TPM3: variants seen among roughly 807,000 people sequenced by gnomAD.
TPM3 encodes tropomyosin 3.
A neutral mutation model predicts 43.1 loss-of-function variants in TPM3; 16 were observed. The ratio of observed to expected loss-of-function variants is 0.37; its 90% CI spans 0.25 to 0.56. The LOEUF is 0.56. Among genes scored for constraint, TPM3 ranks in the 20% least tolerant of loss-of-function variants. The pLI is 0.77. For synonymous variants in TPM3, 101 were observed against 116.9 expected (o/e 0.86, Z 0.88); for missense variants, 176 against 337.2 (o/e 0.52, Z 3.74).
chr1:154,179,796 T>C (rs896339348), intron 2 of TPM3, among the ~76,000 whole-genome samples: 11 of 151,994 alleles, frequency 7.2e-5, no homozygotes, highest in South Asian at 2.1e-4. Context: ...GATCCACAGG[T>C]GGACCTCAGA....
At chr1:154,189,189 C>A (rs553852140) in intron 2 of TPM3, among the ~76,000 whole-genome samples, 1 of 122,860 alleles carries the variant, frequency 8.1e-6, no homozygotes, top group East Asian at 2.6e-4. Flanking sequence ...AAAGCCCAGG[C>A]GCAGTGGCTT....
intron 2 of TPM3, among the ~76,000 whole-genome samples, chr1:154,187,978 G>A (rs1460125392): frequency 6.6e-6 from 1 of 151,552 alleles, no homozygotes; most frequent in Admixed American, 6.6e-5. Context: ...CCAAAGCCCA[G>A]GGGTAACCTG....
rs548951753 is a variant in TPM3 at position 154,176,153 on chromosome 1, C to T, written c.339G>A (p.Lys113=). 6 of 1,614,146 alleles carry T rather than the reference C, an allele frequency of 3.7e-6. No individual in the cohort carries two copies. In the East Asian group the frequency reaches 1.3e-4, roughly 36 times the overall value. ...CAGCAGCTTTTTCAGCTTCTTCCAG[C>T]TTTTGCAGGGCAGTGGCCAGGCGCT... ...AQERLATALQ[K]LEEAEKAADE... The change falls in exon 3 of 10, where the codon AAG becomes AAA. Residue 113 remains lysine, a synonymous_variant. Transcript: ENST00000651641.
chr1:154,183,330 C>T lies in TPM3; in HGVS notation c.244-7082G>A, dbSNP rs573867555. The T allele has an allele frequency of 9.6e-5, 140 of 1,458,716 alleles. 1 individual carries two copies. In the South Asian group the frequency reaches 1.2e-3, roughly 12 times the overall value. 90.4% of individuals were successfully genotyped at this position (1,458,716 alleles called of 1,614,324 possible). A position where few individuals can be genotyped will look rare whatever the true frequency, so the allele number is the denominator to read the frequency against. ...GGAGAGCCGCGGCAGGGAGTGGATC[C>T]TCCCAGTCGCCCTGGAGTACGGCTC... On this transcript the variant is annotated intron_variant, in intron 2 of 9. Transcript: ENST00000651641.
chr1:154,178,118 C>T, intron 2 of TPM3: 1 of 985,392 alleles, frequency 1.0e-6, no homozygotes, highest in Non-Finnish European at 1.2e-6. Context: ...ACTTACCCCC[C>T]TCAGACGAAA....
At chr1:154,174,385 T>TAC (rs1558049110) in intron 3 of TPM3, among the ~76,000 whole-genome samples, 1 of 94,328 alleles carries the variant, frequency 1.1e-5, no homozygotes, top group Non-Finnish European at 2.0e-5. Context: ...TATATATATA[T>TAC]ATATATATAT....
chr1:154,161,547 C>T (rs554510361), downstream of TPM3, among the ~76,000 whole-genome samples: 9 of 150,924 alleles, frequency 6.0e-5, no homozygotes, highest in Non-Finnish European at 7.4e-5. Context: ...GCGATTCTCT[C>T]GCCTCAGCCT....
chr1:154,185,195 A>C (rs1443518684), intron 2 of TPM3, among the ~76,000 whole-genome samples: 1 of 151,310 alleles, frequency 6.6e-6, no homozygotes, highest in Non-Finnish European at 1.5e-5. Flanking sequence ...AACATGGCAA[A>C]ACCCCGTCTC....
chr1:154,167,287 A>G lies in TPM3; in HGVS notation c.*650T>C, dbSNP rs1661087111. On this transcript the variant is annotated 3_prime_UTR_variant, in exon 10 of 10. Coordinates refer to ENST00000651641, the MANE Select transcript of TPM3 (RefSeq NM_152263.4). The stretch of plus-strand genomic sequence containing the variant: ...GTATTTTTCTGTGACTGGAGTTGAC[A>G]TAATTAGTCAATCTTAGCAATAATG... The G allele has an allele frequency of 6.1e-6, 6 of 984,426 alleles. No homozygotes were observed. The highest frequency in any genetic ancestry group is 7.2e-6 in the Non-Finnish European group (6 of 829,012). The allele number at this position is 984,426 out of a possible 1,614,324, so 61.0% of individuals were successfully genotyped here.
downstream of TPM3, among the ~76,000 whole-genome samples, chr1:154,159,641 G>GTCAACAAATAGTGTGC (rs1298841204): frequency 6.6e-5 from 10 of 152,044 alleles, no homozygotes; most frequent in Admixed American, 6.6e-4. Context: ...CCTGTTAAGA[G>GTCAACAAATAGTGTGC]TCAACAAATA....
intron 2 of TPM3, among the ~76,000 whole-genome samples, chr1:154,180,759 T>A (rs1008911720): frequency 6.6e-6 from 1 of 151,274 alleles, no homozygotes; most frequent in Admixed American, 6.6e-5. Flanking sequence ...AATAAAAAAA[T>A]AAAATAATAA....
chr1:154,186,315 C>G (rs1663408756), intron 2 of TPM3, among the ~76,000 whole-genome samples: 1 of 151,456 alleles, frequency 6.6e-6, no homozygotes, highest in African/African-American at 2.5e-5. Flanking sequence ...CAGCAGAAGA[C>G]CTCATCCTAG....
At chr1:154,157,271 G>T, downstream of TPM3, 1 of 411,940 alleles carries the variant, frequency 2.4e-6, no homozygotes, top group Non-Finnish European at 4.6e-6. Context: ...GTGAGAAAGG[G>T]ATTCGATTGC....
At chr1:154,159,944 T>TA (rs1660176207), downstream of TPM3, among the ~76,000 whole-genome samples, 1 of 149,368 alleles carries the variant, frequency 6.7e-6, no homozygotes, top group African/African-American at 2.5e-5. Flanking sequence ...TGTATGTGAT[T>TA]AAAAAACAAA....
At chr1:154,174,164 C>G (rs1254174018) in intron 3 of TPM3, among the ~76,000 whole-genome samples, 1 of 150,640 alleles carries the variant, frequency 6.6e-6, no homozygotes, top group African/African-American at 2.4e-5. Context: ...AAAACCCTGT[C>G]TGTACTAGAA....
chr1:154,182,884 CGCCGGCCTTCAG>C (rs1663120214), intron 2 of TPM3: 5 of 1,572,338 alleles, frequency 3.2e-6, no homozygotes, highest in Middle Eastern at 4.6e-4. Context: ...TCTCCGAGCC[CGCCGGCCTTCAG>C]AGGACCGTGC....
At chr1:154,157,507 G>C (rs549410335), downstream of TPM3, 51 of 760,836 alleles carry the variant, frequency 6.7e-5, no homozygotes, top group Middle Eastern at 2.3e-4. Flanking sequence ...AGGGAAGGAG[G>C]GGGTGGTGAA....
In TPM3 at chr1:154,163,482, A is replaced by G. The variant is rs1031863436; in HGVS notation, c.*4455T>C. Among the ~76,000 whole-genome samples the G allele has an allele frequency of 2.6e-5, 4 of 152,182 alleles. No individual in the cohort carries two copies. Among genetic ancestry groups the G allele is most frequent in the Non-Finnish European group, 5.9e-5 (4 of 68,040 alleles). ...CCTCAAATTACTAAAGTATCAATGC[A>G]TGTCCCATTTTCAGTTATCTTCCTT... is the stretch of plus-strand genomic sequence containing the variant. On this transcript the variant is annotated 3_prime_UTR_variant, in exon 10 of 10. Transcript: ENST00000651641.
At chr1:154,156,525 C>G (rs1171073099), downstream of TPM3, 1 of 201,342 alleles carries the variant, frequency 5.0e-6, no homozygotes, top group Non-Finnish European at 1.0e-5. Flanking sequence ...CCTAACAGAC[C>G]TCCTAGAAAC....
Sources: allele counts gnomAD v4.1 joint callset (sites outside exome capture counted in the v4.1 genomes callset), GRCh38; gene constraint gnomAD v4.1.1; transcripts MANE v1.5; gene names NCBI Gene and HGNC (gene_info 2026-07-23, HGNC 2026-07-21).